The following SCFD2 variants were observed in gnomAD, a reference collection of about 807,000 sequenced individuals.
SCFD2 encodes the protein sec1 family domain-containing protein 2.
SCFD2 carries 54 observed loss-of-function variants against 58.9 expected under a neutral mutation model. That is an observed-to-expected ratio of 0.92 (90% CI 0.74 to 1.15). SCFD2 has a LOEUF of 1.15. Ranked by LOEUF, SCFD2 falls within the 50% of genes most tolerant of loss-of-function variation. The probability of loss-of-function intolerance (pLI) is 0.00; values close to 1 mark genes in which losing one functional copy is unlikely to be tolerated. For synonymous variants in SCFD2, 321 were observed against 335.9 expected (o/e 0.96, Z 0.49); for missense variants, 805 against 836.6 (o/e 0.96, Z 0.47).
chr4:53,345,997 G>A (rs1002874976), intron 2 of SCFD2, among the ~76,000 whole-genome samples: 2 of 152,076 alleles, frequency 1.3e-5, no homozygotes, highest in Non-Finnish European at 2.9e-5. Context: ...AATACCTAAC[G>A]TAAATGACGA....
chr4:52,888,151 C>A (rs1318550907), intron 7 of SCFD2, among the ~76,000 whole-genome samples: 1 of 152,020 alleles, frequency 6.6e-6, no homozygotes, highest in Non-Finnish European at 1.5e-5. Flanking sequence ...ACCTCATGAT[C>A]CACCCGCCTC....
chr4:53,334,466 T>C (rs1250693538), intron 2 of SCFD2, among the ~76,000 whole-genome samples: 3 of 151,150 alleles, frequency 2.0e-5, no homozygotes, highest in Admixed American at 1.3e-4. Flanking sequence ...ATGGATGAAA[T>C]TGGAAATCAT....
intron 5 of SCFD2, among the ~76,000 whole-genome samples, chr4:53,053,388 C>A (rs975207546): frequency 1.3e-5 from 2 of 152,040 alleles, no homozygotes; most frequent in African/African-American, 4.8e-5. Context: ...AGGCTGTAAA[C>A]TTATGTTTTG....
chr4:53,317,481 T>C (rs1405632004), intron 2 of SCFD2, among the ~76,000 whole-genome samples: 1 of 152,218 alleles, frequency 6.6e-6, no homozygotes, highest in Non-Finnish European at 1.5e-5. Context: ...TTTCATACAA[T>C]TGAATTTTCA....
intron 4 of SCFD2, among the ~76,000 whole-genome samples, chr4:53,235,562 C>T (rs546573862): frequency 4.6e-5 from 7 of 152,246 alleles, no homozygotes; most frequent in Admixed American, 2.6e-4. Context: ...TGTCAATAAA[C>T]GAGAAGTAAA....
chr4:52,971,417 T>G (rs529350251), intron 5 of SCFD2, among the ~76,000 whole-genome samples: 1 of 152,096 alleles, frequency 6.6e-6, no homozygotes, highest in Non-Finnish European at 1.5e-5. Context: ...AGGGTATCAG[T>G]GATGGAAAAT....
intron 5 of SCFD2, among the ~76,000 whole-genome samples, chr4:53,111,842 C>T (rs1260003732): frequency 6.6e-6 from 1 of 152,080 alleles, no homozygotes; most frequent in African/African-American, 2.4e-5. Flanking sequence ...ATTCATTCTT[C>T]TATTATTGAG....
intron 5 of SCFD2, among the ~76,000 whole-genome samples, chr4:52,980,667 A>G (rs1423913401): frequency 2.6e-5 from 4 of 152,096 alleles, no homozygotes; most frequent in African/African-American, 4.8e-5. Flanking sequence ...TGTTTCCCCA[A>G]AGGACACTGC....
At chr4:52,962,774 A>C (rs1269498327) in intron 5 of SCFD2, among the ~76,000 whole-genome samples, 1 of 152,222 alleles carries the variant, frequency 6.6e-6, no homozygotes, top group Non-Finnish European at 1.5e-5. Flanking sequence ...AACCTGCCTT[A>C]GCCCCAGACT....
intron 2 of SCFD2, among the ~76,000 whole-genome samples, chr4:53,324,715 A>G (rs1401666251): frequency 1.3e-5 from 2 of 152,084 alleles, no homozygotes; most frequent in South Asian, 2.1e-4. Context: ...TGTCCGGTAC[A>G]TGGCGCTGGG....
At chr4:52,975,234 A>G (rs1371427335) in intron 5 of SCFD2, among the ~76,000 whole-genome samples, 1 of 152,220 alleles carries the variant, frequency 6.6e-6, no homozygotes, top group Non-Finnish European at 1.5e-5. Flanking sequence ...TGAACAGGCA[A>G]CCTACAGAAT....
intron 4 of SCFD2, among the ~76,000 whole-genome samples, chr4:53,148,300 G>A (rs746402672): frequency 6.6e-6 from 1 of 152,148 alleles, no homozygotes; most frequent in Non-Finnish European, 1.5e-5. Flanking sequence ...TCTAAGATAC[G>A]TGCAAGAGAA....
chr4:52,873,991 A>G lies in SCFD2; in HGVS notation c.2033T>C (p.Leu678Pro). The change falls in exon 9 of 9, where the codon CTG becomes CCG. Residue 678 changes from leucine (L) to proline (P), a missense_variant. Leu to Pro is a moderately conservative substitution (Grantham distance 98, BLOSUM62 -3). Transcript: ENST00000401642. Reference protein sequence around the residue: ...IPELLFATDRLHPDLGF With the variant: ...IPELLFATDRPHPDLGF ...TGCTCAGAAGCCAAGGTCTGGATGCAGTCGGTCAGTTGCAAATAACAGCTC... is the reference window on the plus strand; with the variant it reads ...TGCTCAGAAGCCAAGGTCTGGATGCGGTCGGTCAGTTGCAAATAACAGCTC... 6.2e-7 allele frequency: 1 copy of G among 1,614,018 alleles called. No individual in the cohort carries two copies. The highest frequency in any genetic ancestry group is 8.5e-7 in the Non-Finnish European group (1 of 1,179,890).
intron 7 of SCFD2, among the ~76,000 whole-genome samples, chr4:52,889,280 A>G (rs1300362629): frequency 1.3e-5 from 2 of 152,226 alleles, no homozygotes; most frequent in East Asian, 1.9e-4. Flanking sequence ...TGTACTAACT[A>G]TTTTTGTGTA....
chr4:52,970,582 C>A (rs533370640), intron 5 of SCFD2, among the ~76,000 whole-genome samples: 1 of 152,364 alleles, frequency 6.6e-6, no homozygotes, highest in South Asian at 2.1e-4. Flanking sequence ...GTAGACTCCA[C>A]CCCTGGGGGC....
chr4:53,123,333 T>C (rs17082403), intron 5 of SCFD2, among the ~76,000 whole-genome samples: 7,543 of 152,188 alleles, frequency 0.05, 459 homozygotes, highest in African/African-American at 0.14. Context: ...TGTGTACATA[T>C]AGAGCTTTCT....
chr4:53,014,139 T>C (rs1722158625), intron 5 of SCFD2, among the ~76,000 whole-genome samples: 1 of 152,148 alleles, frequency 6.6e-6, no homozygotes, highest in Admixed American at 6.6e-5. Flanking sequence ...TACATTATGG[T>C]ATGGTAGGCG....
chr4:53,086,727 G>A (rs1014672849), intron 5 of SCFD2, among the ~76,000 whole-genome samples: 4 of 152,194 alleles, frequency 2.6e-5, no homozygotes, highest in Non-Finnish European at 5.9e-5. Flanking sequence ...TCTGTCATTT[G>A]CAACAACATG....
chr4:52,919,067 C>G (rs990808451), intron 6 of SCFD2, among the ~76,000 whole-genome samples: 1 of 152,142 alleles, frequency 6.6e-6, no homozygotes, highest in Admixed American at 6.5e-5. Context: ...GCCATGGCTG[C>G]AAGACAGGGT....
Sources: allele counts gnomAD v4.1 joint callset (sites outside exome capture counted in the v4.1 genomes callset), GRCh38; gene constraint gnomAD v4.1.1; transcripts MANE v1.5; gene names NCBI Gene and HGNC (gene_info 2026-07-23, HGNC 2026-07-21).